BLTP3B: variants seen among roughly 807,000 people sequenced by gnomAD.
BLTP3B encodes the protein UHRF1 (ICBP90) binding protein 1-like.
the BLTP3B span, among the ~76,000 whole-genome samples, chr12:100,142,128 C>G: frequency 1.3e-5 from 2 of 152,222 alleles, no homozygotes; most frequent in Non-Finnish European, 2.9e-5. Context: ...GAGAACACAG[C>G]CTCCACTGAG....
chr12:100,040,986 T>C, the BLTP3B span, among the ~76,000 whole-genome samples: 1 of 152,054 alleles, frequency 6.6e-6, no homozygotes, highest in African/African-American at 2.4e-5. Flanking sequence ...TGATATCAAA[T>C]CTAGACAAAA....
chr12:100,056,006 A>G, the BLTP3B span, among the ~76,000 whole-genome samples: 2 of 152,234 alleles, frequency 1.3e-5, no homozygotes, highest in Admixed American at 6.5e-5. Context: ...TGGTACCAAC[A>G]CAAAGTAAAT....
the BLTP3B span, chr12:100,037,746 C>T: frequency 6.3e-7 from 1 of 1,596,058 alleles, no homozygotes; most frequent in Non-Finnish European, 8.5e-7. Flanking sequence ...GATTCATTCT[C>T]TTCCATGAGC....
At chr12:100,105,073 C>T in the BLTP3B span, among the ~76,000 whole-genome samples, 1 of 152,060 alleles carries the variant, frequency 6.6e-6, no homozygotes, top group Admixed American at 6.6e-5. Flanking sequence ...CCAAAGCAAT[C>T]TACAAATTCA....
chr12:100,057,567 T>G, the BLTP3B span: 3 of 1,602,768 alleles, frequency 1.9e-6, no homozygotes, highest in Non-Finnish European at 1.7e-6. Flanking sequence ...TATCATAACT[T>G]TACCTTTTTC....
the BLTP3B span, among the ~76,000 whole-genome samples, chr12:100,100,197 C>T: frequency 1.3e-5 from 2 of 151,446 alleles, no homozygotes; most frequent in Admixed American, 6.6e-5. Context: ...CCCAGCTACT[C>T]GGGAGGCTGA....
the BLTP3B span, among the ~76,000 whole-genome samples, chr12:100,112,513 C>G: frequency 6.7e-6 from 1 of 148,948 alleles, no homozygotes; most frequent in Non-Finnish European, 1.5e-5. Context: ...AAAGACAAAA[C>G]AAAAAACAAA....
the BLTP3B span, among the ~76,000 whole-genome samples, chr12:100,107,289 CAAAAAAAAA>C: frequency 5.7e-5 from 2 of 35,346 alleles, no homozygotes; most frequent in South Asian, 1.3e-3. Context: ...CTCCATCTCC[CAAAAAAAAA>C]AAAAAAAAAA....
At chr12:100,084,601 C>T in the BLTP3B span, 1 of 1,614,070 alleles carries the variant, frequency 6.2e-7, no homozygotes, top group Non-Finnish European at 8.5e-7. Flanking sequence ...CTCATTGGCC[C>T]ATCCATTTTT....
chr12:100,142,014 T>A, the BLTP3B span, among the ~76,000 whole-genome samples: 8 of 152,014 alleles, frequency 5.3e-5, no homozygotes, highest in Non-Finnish European at 1.0e-4. Flanking sequence ...CTTATTTACC[T>A]AAAACAAATC....
the BLTP3B span, chr12:100,092,960 CAACT>C: frequency 1.0e-6 from 1 of 985,304 alleles, no homozygotes; most frequent in Non-Finnish European, 1.2e-6. Flanking sequence ...ACGGTACTAC[CAACT>C]GTCATTCTAA....
chr12:100,095,977 C>G, the BLTP3B span: 1 of 866,650 alleles, frequency 1.2e-6, no homozygotes, highest in East Asian at 3.0e-5. Context: ...ACTGGCCGGG[C>G]ACGGTGGCTC....
the BLTP3B span, among the ~76,000 whole-genome samples, chr12:100,140,484 T>TC: frequency 6.6e-6 from 1 of 151,564 alleles, no homozygotes; most frequent in African/African-American, 2.4e-5. Flanking sequence ...GGCAGGCGGA[T>TC]CACCTGAGGT....
chr12:100,039,499 A>G, the BLTP3B span: 1 of 1,266,468 alleles, frequency 7.9e-7, no homozygotes. Context: ...CACTCGGTAC[A>G]TTTTATTAAA....
At chr12:100,056,992 G>A in the BLTP3B span, among the ~76,000 whole-genome samples, 350 of 152,242 alleles carry the variant, frequency 2.3e-3, 1 homozygote, top group African/African-American at 8.1e-3. Flanking sequence ...CACCTTCTAA[G>A]TCATTTCTAG....
At chr12:100,067,269 C>G in the BLTP3B span, among the ~76,000 whole-genome samples, 1 of 152,020 alleles carries the variant, frequency 6.6e-6, no homozygotes, top group Non-Finnish European at 1.5e-5. Context: ...CCTAAGGTCA[C>G]ACCTCAAGGA....
chr12:100,140,779 A>G, the BLTP3B span, among the ~76,000 whole-genome samples: 43,608 of 134,106 alleles, frequency 0.33, 10,180 homozygotes, highest in African/African-American at 0.66. Context: ...CTAGCCCTAA[A>G]GACTCAATTT....
At chr12:100,142,544 G>A in the BLTP3B span, 1 of 1,591,372 alleles carries the variant, frequency 6.3e-7, no homozygotes, top group Admixed American at 1.7e-5. Flanking sequence ...ACTCCAGTGC[G>A]GGCTGGGGTG....
chr12:100,072,057 T>G, the BLTP3B span, among the ~76,000 whole-genome samples: 1 of 152,052 alleles, frequency 6.6e-6, no homozygotes, highest in Non-Finnish European at 1.5e-5. Context: ...GGTCAGGAGT[T>G]CAAGATCAGC....
Sources: allele counts gnomAD v4.1 joint callset (sites outside exome capture counted in the v4.1 genomes callset), GRCh38; gene constraint gnomAD v4.1.1; transcripts MANE v1.5; gene names NCBI Gene and HGNC (gene_info 2026-07-23, HGNC 2026-07-21).